CHN2: variants seen among roughly 807,000 people sequenced by gnomAD.
CHN2 encodes chimerin 2.
Under a neutral mutation model 56.3 loss-of-function variants are expected in CHN2, and 35 were observed. That is an observed-to-expected ratio of 0.62 (90% CI 0.47 to 0.82). The LOEUF (loss-of-function observed/expected upper bound fraction) is 0.82. Ranked by LOEUF, CHN2 falls within the 40% of genes least tolerant of loss-of-function variation. The probability of loss-of-function intolerance (pLI) is 0.00; values close to 1 mark genes in which losing one functional copy is unlikely to be tolerated. For synonymous variants in CHN2, 210 were observed against 212.8 expected (o/e 0.99, Z 0.12); for missense variants, 491 against 580.5 (o/e 0.85, Z 1.58).
chr7:29,486,934 T>C (rs1788080662), intron 7 of CHN2, among the ~76,000 whole-genome samples: 1 of 152,244 alleles, frequency 6.6e-6, no homozygotes, highest in Non-Finnish European at 1.5e-5. Context: ...CTCAGTCTAG[T>C]GGTCATTTGC....
At chr7:29,498,687 A>C (rs1562662754) in intron 8 of CHN2, among the ~76,000 whole-genome samples, 1 of 151,860 alleles carries the variant, frequency 6.6e-6, no homozygotes, top group Non-Finnish European at 1.5e-5. Flanking sequence ...AGTAGAGAGC[A>C]CATCAACTTT....
chr7:29,428,201 G>A (rs1805075140), intron 6 of CHN2, among the ~76,000 whole-genome samples: 1 of 152,222 alleles, frequency 6.6e-6, no homozygotes, highest in Non-Finnish European at 1.5e-5. Context: ...GGATTGTTGA[G>A]AGGAGTGAAT....
chr7:29,216,539 A>G (rs571810229), intron 1 of CHN2, among the ~76,000 whole-genome samples: 2 of 152,288 alleles, frequency 1.3e-5, no homozygotes, highest in East Asian at 3.9e-4. Context: ...CATTCCGCCA[A>G]GGTTTTGGCC....
chr7:29,236,734 A>C (rs1787222949), intron 1 of CHN2, among the ~76,000 whole-genome samples: 1 of 152,220 alleles, frequency 6.6e-6, no homozygotes, highest in African/African-American at 2.4e-5. Flanking sequence ...ATGGGTTGGC[A>C]AATGGGTTCC....
rs115494058 is a variant in CHN2 at position 29,442,239 on chromosome 7, C to T, written c.577-38040C>T. Among the ~76,000 whole-genome samples the T allele has an allele frequency of 5.4e-3, 819 of 152,206 alleles. 13 individuals carry two copies. Among genetic ancestry groups the T allele is most frequent in the African/African-American group, 0.019 (781 of 41,520 alleles). The stretch of plus-strand genomic sequence containing the variant: ...GAAAGGAAAGAAGTGGCTCAGAAGC[C>T]ACAGGAAGGGTATTAGTTGTAACTC... On this transcript the variant is annotated intron_variant, in intron 6 of 12. Transcript: ENST00000222792.
At chr7:29,381,350 C>T (rs1407368762) in intron 3 of CHN2, among the ~76,000 whole-genome samples, 2 of 152,150 alleles carry the variant, frequency 1.3e-5, no homozygotes, top group South Asian at 2.1e-4. Flanking sequence ...GTGCCAGGCT[C>T]GTGCCAGAAA....
intron 1 of CHN2, among the ~76,000 whole-genome samples, chr7:29,320,881 C>T (rs1795291327): frequency 6.6e-6 from 1 of 152,182 alleles, no homozygotes; most frequent in South Asian, 2.1e-4. Context: ...CTGCTGCAGG[C>T]ATAGAGACCA....
chr7:29,414,669 C>G (rs1018495012), intron 6 of CHN2, among the ~76,000 whole-genome samples: 1 of 152,128 alleles, frequency 6.6e-6, no homozygotes, highest in Non-Finnish European at 1.5e-5. Context: ...CACCCTGTCC[C>G]CCAACACACG....
At chr7:29,483,110 CGCGCCCG>C in intron 7 of CHN2, among the ~76,000 whole-genome samples, 1 of 152,162 alleles carries the variant, frequency 6.6e-6, no homozygotes, top group South Asian at 2.1e-4. Context: ...CGTGAGCCAC[CGCGCCCG>C]GCCTGCACTT....
intron 1 of CHN2, among the ~76,000 whole-genome samples, chr7:29,203,378 A>T (rs1784294716): frequency 6.6e-6 from 1 of 151,094 alleles, no homozygotes; most frequent in South Asian, 2.1e-4. Context: ...GAGGCACAAG[A>T]ATCGCTTGAA....
At chr7:29,363,434 G>A (rs181074823) in intron 2 of CHN2, among the ~76,000 whole-genome samples, 160 of 152,254 alleles carry the variant, frequency 1.1e-3, no homozygotes, top group Middle Eastern at 6.8e-3. Flanking sequence ...GCAGTGAGCC[G>A]AGATTGTGCC....
chr7:29,475,256 T>G (rs995362304), intron 6 of CHN2, among the ~76,000 whole-genome samples: 10 of 152,148 alleles, frequency 6.6e-5, no homozygotes, highest in Admixed American at 2.0e-4. Context: ...AAAAAAGAAG[T>G]GGTGAGCTTA....
At chr7:29,326,167 G>T (rs1207650747) in intron 1 of CHN2, among the ~76,000 whole-genome samples, 1 of 150,104 alleles carries the variant, frequency 6.7e-6, no homozygotes, top group Admixed American at 6.7e-5. Flanking sequence ...TTTTGTTGTT[G>T]TTTTTTTTTG....
intron 6 of CHN2, among the ~76,000 whole-genome samples, chr7:29,473,046 G>A (rs1403378890): frequency 1.3e-5 from 2 of 152,244 alleles, no homozygotes. Flanking sequence ...TCTCAGGGTA[G>A]CAGGAAGAAA....
intron 1 of CHN2, among the ~76,000 whole-genome samples, chr7:29,324,935 CT>C (rs1795690971): frequency 1.3e-5 from 2 of 152,144 alleles, no homozygotes; most frequent in Admixed American, 1.3e-4. Flanking sequence ...CTTTGTAACT[CT>C]ATAATTGTCA....
intron 1 of CHN2, among the ~76,000 whole-genome samples, chr7:29,249,928 T>G (rs1788364580): frequency 6.6e-6 from 1 of 152,254 alleles, no homozygotes; most frequent in African/African-American, 2.4e-5. Context: ...ATTTTAGTTG[T>G]AAAACCATAT....
intron 1 of CHN2, among the ~76,000 whole-genome samples, chr7:29,238,272 C>A (rs1002920585): frequency 1.3e-5 from 2 of 152,072 alleles, no homozygotes; most frequent in African/African-American, 4.8e-5. Flanking sequence ...CCTGCCTTGG[C>A]CTCCCAAAGT....
chr7:29,172,676 A>G (rs1320583068), intron 2 of CHN2, among the ~76,000 whole-genome samples: 3 of 152,228 alleles, frequency 2.0e-5, no homozygotes, highest in East Asian at 1.9e-4. Flanking sequence ...TTTCATATTA[A>G]CCATTGCTTT....
chr7:29,348,338 C>A (rs1434369703), intron 1 of CHN2, among the ~76,000 whole-genome samples: 1 of 152,188 alleles, frequency 6.6e-6, no homozygotes, highest in East Asian at 1.9e-4. Context: ...GCTTTCAAGT[C>A]TTAACCTGCA....
Sources: gnomAD v4.1 joint callset for allele counts (sites outside exome capture counted in the v4.1 genomes callset) on GRCh38, gnomAD v4.1.1 for gene constraint, MANE v1.5 for transcripts, NCBI Gene and HGNC (gene_info 2026-07-23, HGNC 2026-07-21) for gene names.